Variants in ZMYM4 observed in about 807,000 individuals in gnomAD.
ZMYM4 encodes zinc finger MYM-type containing 4.
A neutral mutation model predicts 183.2 loss-of-function variants in ZMYM4; 31 were observed. The observed-to-expected ratio is 0.17, with a 90% CI of 0.13 to 0.23. The LOEUF is 0.23. ZMYM4 is among the 10% of genes least tolerant of loss of function. The pLI, the probability that ZMYM4 is intolerant of heterozygous loss-of-function variation, is 1.00. For synonymous variants in ZMYM4, 592 were observed against 631.2 expected, an observed-to-expected ratio of 0.94 and a Z score of 0.93; for missense variants, 1,273 against 1,840.3, an observed-to-expected ratio of 0.69 and a Z score of 5.64.
In ZMYM4 at chr1:35,419,737, C is replaced by G; in HGVS notation, c.*60C>G. 6.5e-7 allele frequency: 1 copy of G among 1,535,942 alleles called. No individual in the cohort carries two copies. Among genetic ancestry groups the G allele is most frequent in the Non-Finnish European group, 9.0e-7 (1 of 1,116,708 alleles). On this transcript the variant is annotated 3_prime_UTR_variant, in exon 30 of 30. Coordinates refer to ENST00000314607, the MANE Select transcript of ZMYM4 (RefSeq NM_005095.3). The stretch of plus-strand genomic sequence containing the variant: ...GTATGCACCAAACTGTGAATGCATC[C>G]AGCTGTTGGAAAATGATGTATAAGT...
intron 7 of ZMYM4, among the ~76,000 whole-genome samples, chr1:35,379,027 C>T (rs1351786411): frequency 6.6e-6 from 1 of 152,196 alleles, no homozygotes; most frequent in African/African-American, 2.4e-5. Flanking sequence ...TAAGGGAATG[C>T]TGTGGCTGGT....
intron 2 of ZMYM4, among the ~76,000 whole-genome samples, chr1:35,335,230 C>T (rs551323673): frequency 4.0e-5 from 6 of 150,438 alleles, no homozygotes; most frequent in African/African-American, 1.5e-4. Flanking sequence ...TGCTTTTATT[C>T]CCTATTGCAT....
intron 1 of ZMYM4, among the ~76,000 whole-genome samples, chr1:35,312,683 T>C (rs1340333148): frequency 6.6e-6 from 1 of 152,116 alleles, no homozygotes; most frequent in East Asian, 1.9e-4. Flanking sequence ...TTCCCTTCTT[T>C]CTTTTCTTTC....
intron 28 of ZMYM4, among the ~76,000 whole-genome samples, chr1:35,418,031 A>T (rs188626164): frequency 2.6e-5 from 4 of 152,170 alleles, no homozygotes; most frequent in Admixed American, 2.0e-4. Context: ...AGAGATGGCA[A>T]CTTCTGTCTT....
At chr1:35,402,827 G>GTTT (rs1352192504) in intron 23 of ZMYM4, among the ~76,000 whole-genome samples, 1 of 116,356 alleles carries the variant, frequency 8.6e-6, no homozygotes, top group Non-Finnish European at 1.5e-5. Context: ...AATAAAGACA[G>GTTT]TTTTACTTTG....
chr1:35,292,846 G>GT (rs1341363323), intron 1 of ZMYM4, among the ~76,000 whole-genome samples: 1 of 152,034 alleles, frequency 6.6e-6, no homozygotes, highest in East Asian at 1.9e-4. Context: ...CCCCAGGGGA[G>GT]TTCCCCCATT....
At chr1:35,320,882 A>AAAAGT (rs1642253922) in intron 1 of ZMYM4, among the ~76,000 whole-genome samples, 1 of 152,154 alleles carries the variant, frequency 6.6e-6, no homozygotes, top group African/African-American at 2.4e-5. Flanking sequence ...CCTGGCTTTG[A>AAAAGT]GAAGTGTAGG....
chr1:35,292,128 A>G (rs569838069), intron 1 of ZMYM4: 5 of 152,180 alleles, frequency 3.3e-5, no homozygotes, highest in Admixed American at 2.0e-4. Context: ...AAATCAGCAG[A>G]TAGATAGCAT....
chr1:35,368,636 T>A (rs1190473552), intron 5 of ZMYM4, among the ~76,000 whole-genome samples: 1 of 152,212 alleles, frequency 6.6e-6, no homozygotes, highest in African/African-American at 2.4e-5. Flanking sequence ...TGTCATTATG[T>A]ATCAAGAACC....
chr1:35,283,324 A>ATTTT (rs1640288049), intron 1 of ZMYM4, among the ~76,000 whole-genome samples: 4 of 79,594 alleles, frequency 5.0e-5, no homozygotes, highest in African/African-American at 2.4e-4. Context: ...GTGAAGTGGT[A>ATTTT]TCTTTTTTTT....
At position 35,336,531 on chromosome 1, in the gene ZMYM4, C is replaced by T. The variant is rs548177058; in HGVS notation, c.85+11126C>T. Among the ~76,000 whole-genome samples the T allele has an allele frequency of 5.9e-5, 9 of 152,014 alleles. No individual in the cohort carries two copies. In the East Asian group the frequency reaches 9.7e-4, roughly 16 times the overall value. ...CCTCCCGAGTATCTAGGATTACAGG[C>T]GTGTGCCACCATCCCTGGCTAATTT... On this transcript the variant is annotated intron_variant, in intron 2 of 29. Transcript: ENST00000314607.
rs1644591774 is a variant in ZMYM4, at chr1:35,386,956, T to C, written c.1837-47T>C. The C allele has an allele frequency of 1.8e-5, 28 of 1,571,174 alleles. 1 individual carries two copies. The highest frequency in any genetic ancestry group is 1.1e-4 in the Admixed American group (6 of 55,728). ...TATGTAGGCACACAATACTTCTTTG[T>C]TTTAACAAAGATTAAATTGATACTT... On this transcript the variant is annotated intron_variant, in intron 11 of 29. Transcript: ENST00000314607.
At position 35,385,424 on chromosome 1, in the gene ZMYM4, G is replaced by C; in HGVS notation, c.1570-18G>C. On this transcript the variant is annotated intron_variant, in intron 9 of 29. Coordinates refer to ENST00000314607, the MANE Select transcript of ZMYM4 (RefSeq NM_005095.3). ...TAGGAATTTGTTAAAAATGAATGTTGTTTTATTCTCTTAATAGAAATCAGC... is the reference window on the plus strand; with the variant it reads ...TAGGAATTTGTTAAAAATGAATGTTCTTTTATTCTCTTAATAGAAATCAGC... 2 of 1,598,518 alleles carry C rather than the reference G, an allele frequency of 1.3e-6. No individual in the cohort carries two copies. The highest frequency in any genetic ancestry group is 1.7e-6 in the Non-Finnish European group (2 of 1,175,772).
intron 23 of ZMYM4, among the ~76,000 whole-genome samples, chr1:35,403,294 G>T (rs1232645919): frequency 6.6e-6 from 1 of 151,950 alleles, no homozygotes; most frequent in Admixed American, 6.6e-5. Flanking sequence ...TTTTGTTGTT[G>T]TTCTGTTTTG....
chr1:35,374,044 T>TG (rs1644278709), intron 7 of ZMYM4, among the ~76,000 whole-genome samples: 1 of 145,956 alleles, frequency 6.9e-6, no homozygotes, highest in African/African-American at 2.5e-5. Flanking sequence ...TTTTTTTTTT[T>TG]TTTGAGACAA....
In ZMYM4 at chr1:35,359,224, C is replaced by T; in HGVS notation, c.385C>T (p.Gln129Ter). The part of the protein sequence containing the change: ...QHESDNENEI[Q>*]IQNKLKKDFP... ...TGAATCAGACAATGAAAATGAAATA[C>T]AAATTCAAAATAAGTTAAAAAAAGA... is the stretch of plus-strand genomic sequence containing the variant. The change falls in exon 3 of 30, where the codon CAA (glutamine) becomes TAA (stop). Residue 129 changes from glutamine to a stop codon, truncating the protein, a stop_gained. Coordinates refer to ENST00000314607, the MANE Select transcript of ZMYM4 (RefSeq NM_005095.3). LOFTEE classifies it high-confidence loss of function. The T allele has an allele frequency of 6.2e-7, 1 of 1,610,566 alleles. No homozygotes were observed. Among genetic ancestry groups the T allele is most frequent in the Non-Finnish European group, 8.5e-7 (1 of 1,178,632 alleles).
intron 7 of ZMYM4, among the ~76,000 whole-genome samples, chr1:35,380,698 GATT>G (rs1644437743): frequency 6.6e-6 from 1 of 152,122 alleles, no homozygotes; most frequent in South Asian, 2.1e-4. Flanking sequence ...GGTTTGGTGG[GATT>G]AGGGTTGGAG....
intron 7 of ZMYM4, among the ~76,000 whole-genome samples, chr1:35,373,790 A>G (rs566491854): frequency 1.4e-3 from 214 of 149,456 alleles, no homozygotes; most frequent in African/African-American, 5.0e-3. Context: ...ACCCGCCTCA[A>G]TCTCCCAAAG....
chr1:35,414,333 A>T (rs990215854), intron 27 of ZMYM4, among the ~76,000 whole-genome samples: 9 of 152,288 alleles, frequency 5.9e-5, no homozygotes, highest in African/African-American at 2.2e-4. Context: ...CTTTTTAGAA[A>T]CCATTTTTGA....
Sources: gnomAD v4.1 joint callset for allele counts (sites outside exome capture counted in the v4.1 genomes callset) on GRCh38, gnomAD v4.1.1 for gene constraint, MANE v1.5 for transcripts, NCBI Gene and HGNC (gene_info 2026-07-23, HGNC 2026-07-21) for gene names.